The following RP1 variants were observed in gnomAD, a reference collection of about 807,000 sequenced individuals.
RP1 encodes RP1 axonemal microtubule associated.
A neutral mutation model predicts 14.8 loss-of-function variants in RP1; 16 were observed. The ratio of observed to expected loss-of-function variants is 1.08; its 90% CI spans 0.73 to 1.65. RP1 has a LOEUF of 1.65. Among genes scored for constraint, RP1 ranks in the 40% most tolerant of loss-of-function variants. RP1 has a pLI of 0.00. For missense variants in RP1, 2,631 were observed against 2,535.0 expected, an observed-to-expected ratio of 1.04 and a Z score of -0.81; for synonymous variants, 876 against 883.6, an observed-to-expected ratio of 0.99 and a Z score of 0.15.
intron 26 of RP1, chr8:54,852,740 A>C: frequency 8.1e-7 from 1 of 1,231,720 alleles, no homozygotes; most frequent in Non-Finnish European, 1.0e-6. Context: ...TAATAGAAAC[A>C]GGTCTTCATC....
Position 54,625,433 on chromosome 8 carries a change from T to C in RP1, c.1551T>C (p.Leu517=). The C allele has an allele frequency of 6.2e-7, 1 of 1,614,004 alleles. No individual in the cohort carries two copies. Among genetic ancestry groups the C allele is most frequent in the Non-Finnish European group, 8.5e-7 (1 of 1,180,032 alleles). The part of the protein sequence containing the change: ...KMSSVSNKPV[L]VQINNNDQME... ...CATCAGTATCTAACAAACCAGTACT[T>C]GTTCAGATCAATAACAATGATCAAA... Residue 517 remains leucine, a synonymous_variant, in exon 4 of 4, where the codon CTT becomes CTC. Coordinates refer to ENST00000220676, the MANE Select transcript of RP1 (RefSeq NM_006269.2).
intron 12 of RP1, among the ~76,000 whole-genome samples, chr8:54,693,298 C>T (rs374616027): frequency 1.6e-4 from 24 of 152,094 alleles, no homozygotes; most frequent in East Asian, 3.9e-4. Context: ...CTTGGTGATG[C>T]GGGCTCTTTT....
intron 22 of RP1, among the ~76,000 whole-genome samples, chr8:54,762,442 C>T (rs1158393060): frequency 6.6e-6 from 1 of 152,078 alleles, no homozygotes; most frequent in African/African-American, 2.4e-5. Flanking sequence ...GTCCTTATGG[C>T]TTTATTTTAT....
chr8:54,569,908 A>G (rs897385865), intron 1 of RP1, among the ~76,000 whole-genome samples: 7 of 152,146 alleles, frequency 4.6e-5, no homozygotes, highest in African/African-American at 1.7e-4. Context: ...TGGTGTAGGA[A>G]AGGTTCCCTC....
intron 27 of RP1, among the ~76,000 whole-genome samples, chr8:54,859,652 A>G (rs1404714424): frequency 6.6e-6 from 1 of 151,844 alleles, no homozygotes; most frequent in East Asian, 1.9e-4. Context: ...GTCACTGTAG[A>G]CGGGTGTCAG....
intron 26 of RP1, among the ~76,000 whole-genome samples, chr8:54,854,635 T>G (rs1293996380): frequency 6.6e-6 from 1 of 151,874 alleles, no homozygotes; most frequent in African/African-American, 2.4e-5. Flanking sequence ...GAGGCCGAGG[T>G]GGGTGGATCA....
chr8:54,843,448 C>T (rs868565285), intron 25 of RP1, among the ~76,000 whole-genome samples: 12 of 151,980 alleles, frequency 7.9e-5, no homozygotes, highest in Admixed American at 2.6e-4. Context: ...TGATGCAGCC[C>T]CAAACCGCCG....
chr8:54,621,119 CAG>C lies in RP1; in HGVS notation c.154_155del (p.Arg52GlyfsTer9), dbSNP rs1351948694. 1 of 1,614,216 alleles carries C rather than the reference CAG, an allele frequency of 6.2e-7. No homozygotes were observed. The highest frequency in any genetic ancestry group is 1.3e-5 in the African/African-American group (1 of 75,060). ...GCGGAGACCCCCAATTCGGCGGGGT[CAG>C]GGTGGTGGTCAACCCTCGCTCCTTT... ...KSGDPQFGGV[R>X]VVVNPRSFKS... On this transcript the variant is annotated frameshift_variant, in exon 2 of 4. Coordinates refer to ENST00000220676, the MANE Select transcript of RP1 (RefSeq NM_006269.2). LOFTEE classifies it high-confidence loss of function.
intron 24 of RP1, among the ~76,000 whole-genome samples, chr8:54,830,588 A>T (rs1293948725): frequency 6.6e-6 from 1 of 152,144 alleles, no homozygotes; most frequent in East Asian, 1.9e-4. Context: ...ATCTTTATAC[A>T]GTACAGTTTT....
At chr8:54,632,563 G>A (rs561974205), downstream of RP1, among the ~76,000 whole-genome samples, 51 of 152,196 alleles carry the variant, frequency 3.4e-4, no homozygotes, top group Non-Finnish European at 6.8e-4. Flanking sequence ...GATAAGAAGT[G>A]CATTTGAAGG....
chr8:54,729,386 A>G (rs1808737192), intron 17 of RP1, among the ~76,000 whole-genome samples: 1 of 152,174 alleles, frequency 6.6e-6, no homozygotes, highest in South Asian at 2.1e-4. Context: ...TTTCTTTCCT[A>G]AATATGTTTA....
At chr8:54,705,129 C>G (rs1010827156) in intron 14 of RP1, among the ~76,000 whole-genome samples, 4 of 152,004 alleles carry the variant, frequency 2.6e-5, no homozygotes, top group Non-Finnish European at 5.9e-5. Context: ...TAATACTATC[C>G]TCACTTCTGA....
chr8:54,803,388 G>A (rs992563281), intron 24 of RP1, among the ~76,000 whole-genome samples: 1 of 151,930 alleles, frequency 6.6e-6, no homozygotes. Context: ...GTAACACCGG[G>A]GATTATGACC....
intron 1 of RP1, among the ~76,000 whole-genome samples, chr8:54,579,116 C>T (rs1413178935): frequency 6.6e-6 from 1 of 152,174 alleles, no homozygotes; most frequent in Non-Finnish European, 1.5e-5. Flanking sequence ...AAAAGCTGCG[C>T]TGGTGTGTTG....
Position 54,625,033 on chromosome 8 carries a change from C to G in RP1, c.1151C>G (p.Ala384Gly), listed in dbSNP as rs1334866375. Residue 384 changes from alanine to glycine, a missense_variant, in exon 4 of 4, where the codon GCA (alanine) becomes GGA (glycine). Transcript: ENST00000220676. ...ESRSSGLKLAACSFSADVSPM... is the reference protein window; with the variant it reads ...ESRSSGLKLAGCSFSADVSPM... Reference sequence around the variant, plus strand: ...CGATCATCTGGTTTAAAGCTTGCAGCATGTTCATTCTCTGCAGATGTGTCA... The same window carrying G: ...CGATCATCTGGTTTAAAGCTTGCAGGATGTTCATTCTCTGCAGATGTGTCA... 2 of 1,614,180 alleles carry G rather than the reference C, an allele frequency of 1.2e-6. No homozygotes were observed. Among genetic ancestry groups the G allele is most frequent in the Admixed American group, 1.7e-5 (1 of 60,034 alleles).
At chr8:54,808,542 C>A (rs367826211) in intron 24 of RP1, among the ~76,000 whole-genome samples, 1 of 152,270 alleles carries the variant, frequency 6.6e-6, no homozygotes, top group South Asian at 2.1e-4. Context: ...GAACTCTTAG[C>A]CTATTTTATG....
intron 24 of RP1, among the ~76,000 whole-genome samples, chr8:54,789,961 A>C (rs1810420477): frequency 6.6e-6 from 1 of 152,198 alleles, no homozygotes; most frequent in African/African-American, 2.4e-5. Context: ...ACCAGCCATG[A>C]GCACTGTCTG....
At chr8:54,661,023 A>G (rs2129328869) in intron 6 of RP1, among the ~76,000 whole-genome samples, 1 of 151,780 alleles carries the variant, frequency 6.6e-6, no homozygotes, top group South Asian at 2.1e-4. Context: ...TTAGAAAAAT[A>G]ATAAGGAAGC....
chr8:54,655,955 C>T (rs1220536708), intron 5 of RP1: 2 of 595,526 alleles, frequency 3.4e-6, no homozygotes, highest in East Asian at 6.6e-5. Context: ...TTAGCACTGT[C>T]AAATTATCAA....
Sources: allele counts gnomAD v4.1 joint callset (sites outside exome capture counted in the v4.1 genomes callset), GRCh38; gene constraint gnomAD v4.1.1; transcripts MANE v1.5; gene names NCBI Gene and HGNC (gene_info 2026-07-23, HGNC 2026-07-21).